PSG9: variants seen among roughly 807,000 people sequenced by gnomAD.
PSG9 encodes the protein pregnancy specific beta-1-glycoprotein 9.
PSG9 carries 49 observed loss-of-function variants against 41.9 expected under a neutral mutation model. The ratio of observed to expected loss-of-function variants is 1.17; its 90% CI spans 0.93 to 1.48. PSG9 has a LOEUF of 1.48. Among genes scored for constraint, PSG9 ranks in the 40% most tolerant of loss-of-function variants. The probability of loss-of-function intolerance (pLI) is 0.00; values close to 1 mark genes in which losing one functional copy is unlikely to be tolerated. For synonymous variants in PSG9, 263 were observed against 196.8 expected (o/e 1.34, Z -2.82); for missense variants, 641 against 520.3 (o/e 1.23, Z -2.26).
intron 5 of PSG9, 79 bp downstream of exon 5, chr19:43,258,123 A>G (rs1968520002): frequency 6.3e-7 from 1 of 1,590,902 alleles, no homozygotes; most frequent in Non-Finnish European, 8.5e-7. Context: ...GGGAATAAAA[A>G]TGTTTTCCTG....
chr19:43,262,245 C>G, intron 2 of PSG9, 107 bp from the exon 3 acceptor site: 1 of 1,521,046 alleles, frequency 6.6e-7, no homozygotes, highest in Non-Finnish European at 8.8e-7. Flanking sequence ...CAACCCAGTC[C>G]TTAAAAGCCC....
At chr19:43,267,368 G>A (rs1415549187) in intron 2 of PSG9, among the ~76,000 whole-genome samples, 1 of 152,148 alleles carries the variant, frequency 6.6e-6, no homozygotes, top group Non-Finnish European at 1.5e-5. Context: ...CTTAACTGGA[G>A]CAAGGATTTA....
At chr19:43,254,224 TATTTC>T (rs1445121165) in intron 5 of PSG9, among the ~76,000 whole-genome samples, 2 of 146,304 alleles carry the variant, frequency 1.4e-5, no homozygotes, top group Non-Finnish European at 3.0e-5. Context: ...ACATAGACAT[TATTTC>T]CATTTTGCCG....
rs1319748424 is a variant in PSG9 at position 43,267,790 on chromosome 19, A to T, written c.424T>A (p.Leu142Ile). Residue 142 changes from leucine (L) to isoleucine (I), a missense_variant, in exon 2 of 6, where the codon TTA (leucine) becomes ATA (isoleucine). Leu to Ile is a conservative substitution (Grantham distance 5). Transcript: ENST00000270077. ...ATCATGTGGAATCACTCACAGTATA[A>T]GGTGAAGGTGAAATGTCGAATTTCT... ...REEIRHFTFT[L>I]YLETPKPYIS... The T allele has an allele frequency of 6.2e-7, 1 of 1,612,760 alleles. No individual in the cohort carries two copies. The highest frequency in any genetic ancestry group is 1.7e-5 in the Admixed American group (1 of 59,962).
intron 2 of PSG9, among the ~76,000 whole-genome samples, chr19:43,266,429 C>T (rs1194792482): frequency 6.6e-6 from 1 of 151,870 alleles, no homozygotes; most frequent in African/African-American, 2.4e-5. Flanking sequence ...GTGAGAGCTC[C>T]TGAGTGTGTG....
At chr19:43,258,513 T>G in intron 4 of PSG9, 57 bp from the exon 5 acceptor site, 1 of 1,510,286 alleles carries the variant, frequency 6.6e-7, no homozygotes, top group Non-Finnish European at 8.8e-7. Context: ...GGGATGTTCC[T>G]GGTCTCTTAA....
chr19:43,260,703 G>A (rs1968671681), intron 3 of PSG9: 2 of 151,736 alleles, frequency 1.3e-5, no homozygotes, highest in Non-Finnish European at 2.9e-5. Flanking sequence ...ATCCTGTCAG[G>A]TCAGATTTAG....
chr19:43,262,945 T>C (rs1440509281), intron 2 of PSG9, among the ~76,000 whole-genome samples: 1 of 152,138 alleles, frequency 6.6e-6, no homozygotes, highest in Non-Finnish European at 1.5e-5. Context: ...GAAATACATG[T>C]GGATGTTTGC....
At chr19:43,262,246 T>A in intron 2 of PSG9, 108 bp from the exon 3 acceptor site, 2 of 1,520,804 alleles carry the variant, frequency 1.3e-6, no homozygotes, top group Non-Finnish European at 1.8e-6. Context: ...AACCCAGTCC[T>A]TAAAAGCCCA....
At chr19:43,265,245 C>A (rs1381435623) in intron 2 of PSG9, among the ~76,000 whole-genome samples, 2 of 152,182 alleles carry the variant, frequency 1.3e-5, no homozygotes, top group African/African-American at 2.4e-5. Context: ...TAGGAGGGAA[C>A]TGAATTCTGC....
rs772485932 is a variant in PSG9, at chr19:43,267,913, C to T, written c.301G>A (p.Val101Ile). The change falls in exon 2 of 6, where the codon GTA (valine) becomes ATA (isoleucine). Residue 101 changes from valine (V) to isoleucine (I), a missense_variant. Transcript: ENST00000270077. ...YGPAYSGRET[V>I]YSNASLLIQN... ...ATCAGCAGGGATGCGTTGGAATATA[C>T]TGTTTCTCTTCCACTGTATGCAGGC... 1.2e-6 allele frequency: 2 copies of T among 1,613,696 alleles called. No homozygotes were observed. Among genetic ancestry groups the T allele is most frequent in the Admixed American group, 1.7e-5 (1 of 59,988 alleles).
intron 3 of PSG9, chr19:43,259,525 C>G (rs1053304995): frequency 4.1e-6 from 1 of 242,150 alleles, no homozygotes; most frequent in Non-Finnish European, 7.6e-6. Flanking sequence ...ACTTTGCCCC[C>G]CTATATGTGA....
In PSG9 at chr19:43,269,457, T is replaced by C. The variant is rs1969148397; in HGVS notation, c.-26A>G. The C allele has an allele frequency of 3.7e-6, 6 of 1,612,750 alleles. No individual in the cohort carries two copies. Among genetic ancestry groups the C allele is most frequent in the South Asian group, 1.1e-5 (1 of 91,050 alleles). On this transcript the variant is annotated 5_prime_UTR_variant, in exon 1 of 6. Transcript: ENST00000270077. ...GGTCTCTGCTGCCTGTGTGTTCTCC[T>C]CTGTGGAGATGAGCCTGGGATCCAG...
At chr19:43,265,019 C>T (rs1354434432) in intron 2 of PSG9, among the ~76,000 whole-genome samples, 1 of 152,134 alleles carries the variant, frequency 6.6e-6, no homozygotes, top group Non-Finnish European at 1.5e-5. Context: ...TACACAGTGA[C>T]AGGAAACTAG....
Position 43,253,346 on chromosome 19 carries a change from A to C in PSG9, c.*263T>G, listed in dbSNP as rs551225945. Reference sequence around the variant, plus strand: ...ATGAATACTCATGAATAGTTTCACAATTCTGGGGCATTCAGATAGACAGCA... The same window carrying C: ...ATGAATACTCATGAATAGTTTCACACTTCTGGGGCATTCAGATAGACAGCA... On this transcript the variant is annotated 3_prime_UTR_variant, in exon 6 of 6. Transcript: ENST00000270077. 3.1e-6 allele frequency: 1 copy of C among 326,236 alleles called. No individual in the cohort carries two copies. Among genetic ancestry groups the C allele is most frequent in the Non-Finnish European group, 5.5e-6 (1 of 183,368 alleles). 20.2% of individuals were successfully genotyped at this position (326,236 alleles called of 1,614,324 possible).
rs542201175 is a variant in PSG9 at position 43,255,280 on chromosome 19, A to G, written c.1244-1634T>C. ...AATATGAGTATAACTATAATCAGTAATAAGATTGAATCAATAAAAGCATTT... is the reference window on the plus strand; with the variant it reads ...AATATGAGTATAACTATAATCAGTAGTAAGATTGAATCAATAAAAGCATTT... On this transcript the variant is annotated intron_variant, in intron 5 of 5. Transcript: ENST00000270077. Among the ~76,000 whole-genome samples, 11 of 146,748 alleles carry G rather than the reference A, an allele frequency of 7.5e-5. 4 individuals are homozygous for G. In the East Asian group the frequency reaches 1.4e-3, roughly 19 times the overall value.
chr19:43,269,318 A>G (rs1328773632), intron 1 of PSG9, 50 bp downstream of exon 1: 3 of 1,612,154 alleles, frequency 1.9e-6, no homozygotes, highest in East Asian at 2.2e-5. Context: ...GACCCCATCC[A>G]GTCACTCCGC....
At chr19:43,264,560 C>G (rs1968876762) in intron 2 of PSG9, among the ~76,000 whole-genome samples, 1 of 152,090 alleles carries the variant, frequency 6.6e-6, no homozygotes, top group Admixed American at 6.5e-5. Flanking sequence ...TGGGTTCACA[C>G]CATTCTCCTG....
chr19:43,258,814 T>C, intron 4 of PSG9, 43 bp downstream of exon 4: 1 of 1,579,544 alleles, frequency 6.3e-7, no homozygotes, highest in East Asian at 2.7e-5. Context: ...TCGTTTGGAC[T>C]TAAGCTGGTG....
Sources: gnomAD v4.1 joint callset for allele counts (sites outside exome capture counted in the v4.1 genomes callset) on GRCh38, gnomAD v4.1.1 for gene constraint, MANE v1.5 for transcripts, NCBI Gene and HGNC (gene_info 2026-07-23, HGNC 2026-07-21) for gene names.